Variants in TXLNB observed in about 807,000 individuals in gnomAD.
TXLNB encodes the protein beta-taxilin.
TXLNB carries 37 observed loss-of-function variants against 57.4 expected under a neutral mutation model. The ratio of observed to expected loss-of-function variants is 0.64; its 90% confidence interval spans 0.50 to 0.85. TXLNB has a LOEUF of 0.85. Ranked by LOEUF, TXLNB falls within the 40% of genes least tolerant of loss-of-function variation. The pLI is 0.00. For synonymous variants in TXLNB, 302 were observed against 309.6 expected, an observed-to-expected ratio of 0.98 and a Z score of 0.26; for missense variants, 848 against 825.6, an observed-to-expected ratio of 1.03 and a Z score of -0.33.
At chr6:139,276,239 T>C (rs751169930) in intron 3 of TXLNB, among the ~76,000 whole-genome samples, 12 of 152,226 alleles carry the variant, frequency 7.9e-5, no homozygotes, top group Non-Finnish European at 1.6e-4. Context: ...TGACTAACTT[T>C]AATAAAGTTT....
chr6:139,204,270 C>A, the TXLNB span, among the ~76,000 whole-genome samples: 1 of 152,126 alleles, frequency 6.6e-6, no homozygotes, highest in Admixed American at 6.5e-5. Flanking sequence ...GTTGGCCAGG[C>A]TGGTGTTGAA....
At chr6:139,221,832 A>G in the TXLNB span, among the ~76,000 whole-genome samples, 2 of 152,198 alleles carry the variant, frequency 1.3e-5, no homozygotes, top group Non-Finnish European at 2.9e-5. Context: ...GGAGTAAAGG[A>G]TTAGATGGCG....
intron 7 of TXLNB, among the ~76,000 whole-genome samples, chr6:139,250,529 A>C (rs185001457): frequency 2.6e-5 from 4 of 151,998 alleles, no homozygotes; most frequent in Admixed American, 2.6e-4. Flanking sequence ...GGTGGGAACA[A>C]CTACCCCCAG....
At chr6:139,308,205 T>G in the TXLNB span, among the ~76,000 whole-genome samples, 2 of 152,210 alleles carry the variant, frequency 1.3e-5, no homozygotes, top group African/African-American at 2.4e-5. Flanking sequence ...AGAAACTGTT[T>G]GGAGTCACTG....
chr6:139,166,729 C>T, the TXLNB span: 12 of 1,612,460 alleles, frequency 7.4e-6, no homozygotes, highest in African/African-American at 2.7e-5. Context: ...GCCACGACCT[C>T]CCCCGCCGGC....
At chr6:139,296,634 C>G (rs902895611), upstream of TXLNB, among the ~76,000 whole-genome samples, 12 of 152,126 alleles carry the variant, frequency 7.9e-5, no homozygotes, top group Admixed American at 6.5e-5. Context: ...TCATATCGCT[C>G]AGTTCAGAGC....
intron 6 of TXLNB, among the ~76,000 whole-genome samples, chr6:139,258,267 C>G (rs959140930): frequency 6.6e-6 from 1 of 152,140 alleles, no homozygotes; most frequent in Admixed American, 6.5e-5. Context: ...AAGGCTGGGT[C>G]GTCTCAAATC....
At chr6:139,212,514 C>T in the TXLNB span, among the ~76,000 whole-genome samples, 3 of 152,192 alleles carry the variant, frequency 2.0e-5, no homozygotes, top group Non-Finnish European at 2.9e-5. Flanking sequence ...GTACCAGCCA[C>T]TGCAAAAACA....
At chr6:139,316,329 T>C in the TXLNB span, among the ~76,000 whole-genome samples, 2 of 151,932 alleles carry the variant, frequency 1.3e-5, no homozygotes, top group East Asian at 3.8e-4. Context: ...ACCTTTGATA[T>C]ATGATCAGGT....
the TXLNB span, among the ~76,000 whole-genome samples, chr6:139,163,338 T>C: frequency 6.6e-6 from 1 of 150,606 alleles, no homozygotes; most frequent in African/African-American, 2.5e-5. Context: ...TGGGACATTT[T>C]GCAGTTCTCC....
At chr6:139,314,040 C>T in the TXLNB span, among the ~76,000 whole-genome samples, 1 of 152,228 alleles carries the variant, frequency 6.6e-6, no homozygotes, top group South Asian at 2.1e-4. Context: ...CAACCTGACC[C>T]GAGTATAGCA....
chr6:139,226,900 G>A, the TXLNB span, among the ~76,000 whole-genome samples: 3 of 152,142 alleles, frequency 2.0e-5, no homozygotes, highest in South Asian at 4.1e-4. Context: ...GGTGGTGCAC[G>A]CCCATAGTCC....
chr6:139,267,717 T>C (rs1776649828), intron 4 of TXLNB, among the ~76,000 whole-genome samples: 1 of 152,208 alleles, frequency 6.6e-6, no homozygotes, highest in Non-Finnish European at 1.5e-5. Flanking sequence ...GATCCAGCTA[T>C]ATGCTATCTT....
chr6:139,253,366 C>T (rs1477088886), intron 7 of TXLNB, among the ~76,000 whole-genome samples: 1 of 152,152 alleles, frequency 6.6e-6, no homozygotes, highest in Non-Finnish European at 1.5e-5. Flanking sequence ...GAAGTAATAC[C>T]AGAAACAACT....
At chr6:139,166,969 T>C in the TXLNB span, 1 of 1,614,068 alleles carries the variant, frequency 6.2e-7, no homozygotes, top group Non-Finnish European at 8.5e-7. Flanking sequence ...TGTTCAGAAA[T>C]GCCCACTTTG....
At chr6:139,197,571 A>G in the TXLNB span, 1 of 152,346 alleles carries the variant, frequency 6.6e-6, no homozygotes, top group East Asian at 1.9e-4. Flanking sequence ...GACGACGTAA[A>G]TGTAAATAAA....
intron 1 of TXLNB, among the ~76,000 whole-genome samples, chr6:139,291,645 T>C (rs1410068266): frequency 2.0e-5 from 3 of 152,224 alleles, no homozygotes; most frequent in Admixed American, 2.0e-4. Flanking sequence ...ATCCATTTTA[T>C]ATTATGTGGC....
At chr6:139,233,326 A>G in the TXLNB span, among the ~76,000 whole-genome samples, 1 of 148,438 alleles carries the variant, frequency 6.7e-6, no homozygotes, top group African/African-American at 2.5e-5. Flanking sequence ...TATTATTTTT[A>G]TAAGAGACTG....
intron 8 of TXLNB, among the ~76,000 whole-genome samples, chr6:139,245,725 C>T (rs183807689): frequency 8.7e-4 from 133 of 152,230 alleles, no homozygotes; most frequent in African/African-American, 3.1e-3. Flanking sequence ...TTGTTTTTCA[C>T]TCTTTTGCCC....
Sources: gnomAD v4.1 joint callset for allele counts (sites outside exome capture counted in the v4.1 genomes callset) on GRCh38, gnomAD v4.1.1 for gene constraint, MANE v1.5 for transcripts, NCBI Gene and HGNC (gene_info 2026-07-23, HGNC 2026-07-21) for gene names.